Variants in HTR1F observed in about 807,000 individuals in gnomAD.
HTR1F encodes 5-hydroxytryptamine (serotonin) receptor 1F, G protein-coupled.
A neutral mutation model predicts 24.0 loss-of-function variants in HTR1F; 17 were observed. The ratio of observed to expected loss-of-function variants is 0.71; its 90% CI spans 0.48 to 1.06. The LOEUF is 1.06. Ranked by LOEUF, HTR1F falls within the 50% of genes least tolerant of loss-of-function variation. The pLI is 0.00. For synonymous variants in HTR1F, 186 were observed against 156.8 expected (o/e 1.19, Z -1.39); for missense variants, 391 against 427.8 (o/e 0.91, Z 0.76).
At chr3:87,939,182 T>A (rs1166131830) in intron 2 of HTR1F, among the ~76,000 whole-genome samples, 1 of 152,190 alleles carries the variant, frequency 6.6e-6, no homozygotes, top group East Asian at 1.9e-4. Context: ...CATTTATTGG[T>A]TTGTGTATTT....
chr3:87,990,378 C>G (rs1705793951), intron 2 of HTR1F, among the ~76,000 whole-genome samples: 1 of 152,144 alleles, frequency 6.6e-6, no homozygotes, highest in Admixed American at 6.5e-5. Context: ...GCCTGCCACA[C>G]TTTTAAACTT....
At chr3:87,937,201 C>T (rs1704446127) in intron 2 of HTR1F, among the ~76,000 whole-genome samples, 1 of 151,948 alleles carries the variant, frequency 6.6e-6, no homozygotes, top group Non-Finnish European at 1.5e-5. Context: ...AGCCAATATC[C>T]TTGGTAAACA....
chr3:87,836,043 T>C (rs1704676166), intron 2 of HTR1F, among the ~76,000 whole-genome samples: 1 of 152,202 alleles, frequency 6.6e-6, no homozygotes, highest in Non-Finnish European at 1.5e-5. Flanking sequence ...GATATTATTC[T>C]CCAGGATTCT....
chr3:87,806,638 TGAA>T (rs1704078819), intron 1 of HTR1F, among the ~76,000 whole-genome samples: 1 of 152,066 alleles, frequency 6.6e-6, no homozygotes, highest in African/African-American at 2.4e-5. Context: ...TGCTTTGCTG[TGAA>T]GAAGAGTTTT....
intron 2 of HTR1F, among the ~76,000 whole-genome samples, chr3:87,926,762 A>T (rs1241540986): frequency 6.6e-6 from 1 of 152,092 alleles, no homozygotes; most frequent in Non-Finnish European, 1.5e-5. Flanking sequence ...CATATTACTA[A>T]ATTTTATAAA....
rs997700601 is a variant in HTR1F, at chr3:87,907,200, T to TA, written c.-42-83508_-42-83507insA. ...TACCACATCTATGCCAACATTTATT[T>TA]TTTTTTTTGATTATTGGTCATTCTT... is the stretch of plus-strand genomic sequence containing the variant. On this transcript the variant is annotated intron_variant, in intron 2 of 2. Coordinates refer to ENST00000319595, the MANE Select transcript of HTR1F (RefSeq NM_001322209.2). Among the ~76,000 whole-genome samples the TA allele has an allele frequency of 1.3e-4, 20 of 151,642 alleles. No homozygotes were observed. In the East Asian group the frequency reaches 2.1e-3, roughly 16 times the overall value.
intron 2 of HTR1F, among the ~76,000 whole-genome samples, chr3:87,874,384 A>G (rs1705623884): frequency 6.6e-6 from 1 of 152,170 alleles, no homozygotes; most frequent in Non-Finnish European, 1.5e-5. Context: ...AAACAGTCCC[A>G]CTTACCATAG....
chr3:87,975,911 A>G (rs771396883), intron 2 of HTR1F, among the ~76,000 whole-genome samples: 6 of 152,218 alleles, frequency 3.9e-5, no homozygotes, highest in Non-Finnish European at 7.4e-5. Flanking sequence ...AAGATGACAA[A>G]TCAACTGCCC....
rs112164407 is a variant in HTR1F, at chr3:87,946,261, C to T, written c.-42-44447C>T. On this transcript the variant is annotated intron_variant, in intron 2 of 2. Coordinates refer to ENST00000319595, the MANE Select transcript of HTR1F (RefSeq NM_001322209.2). Reference sequence around the variant, plus strand: ...GGCGGCAAACGGCAGTGGTGGACTTCGAGCAAAAGCTCAGCTCGAACCATA... The same window carrying T: ...GGCGGCAAACGGCAGTGGTGGACTTTGAGCAAAAGCTCAGCTCGAACCATA... 3.7e-3 allele frequency among the ~76,000 whole-genome samples: 558 copies of T among 152,138 alleles called. 6 individuals are homozygous for T. The highest frequency in any genetic ancestry group is 0.013 in the African/African-American group (524 of 41,488).
intron 2 of HTR1F, among the ~76,000 whole-genome samples, chr3:87,833,823 T>G (rs1057465383): frequency 3.9e-5 from 6 of 152,148 alleles, no homozygotes; most frequent in Non-Finnish European, 5.9e-5. Context: ...GCCCTTTTTT[T>G]TTAAGTCCTT....
intron 2 of HTR1F, among the ~76,000 whole-genome samples, chr3:87,899,095 C>T (rs572941270): frequency 6.6e-6 from 1 of 152,246 alleles, no homozygotes; most frequent in Non-Finnish European, 1.5e-5. Flanking sequence ...TTCTATGGCC[C>T]TCTTTCAGCC....
chr3:87,870,754 G>A (rs1705535501), intron 2 of HTR1F, among the ~76,000 whole-genome samples: 2 of 152,054 alleles, frequency 1.3e-5, no homozygotes, highest in South Asian at 4.1e-4. Flanking sequence ...AGAAACCACA[G>A]TACCACAGAT....
intron 2 of HTR1F, among the ~76,000 whole-genome samples, chr3:87,875,740 C>T (rs1473020278): frequency 6.6e-5 from 10 of 151,542 alleles, no homozygotes; most frequent in South Asian, 6.3e-4. Context: ...CTGGCTAACA[C>T]GGTGAAACCC....
chr3:87,956,590 A>G (rs1704948647), intron 2 of HTR1F, among the ~76,000 whole-genome samples: 1 of 151,384 alleles, frequency 6.6e-6, no homozygotes, highest in Non-Finnish European at 1.5e-5. Flanking sequence ...GGGAATAATT[A>G]ACATTTTAAT....
At chr3:87,910,329 T>C (rs1703751350) in intron 2 of HTR1F, 1 of 151,958 alleles carries the variant, frequency 6.6e-6, no homozygotes, top group South Asian at 2.1e-4. Flanking sequence ...TTTTGTGGCA[T>C]CTAACCATCA....
chr3:87,863,358 A>G (rs1310003559), intron 2 of HTR1F, among the ~76,000 whole-genome samples: 1 of 152,046 alleles, frequency 6.6e-6, no homozygotes, highest in South Asian at 2.1e-4. Flanking sequence ...TTGTTTAATG[A>G]TTTTTCAAAC....
chr3:87,800,777 A>G (rs539305486), intron 1 of HTR1F, among the ~76,000 whole-genome samples: 129 of 152,308 alleles, frequency 8.5e-4, no homozygotes, highest in African/African-American at 3.0e-3. Flanking sequence ...GATTTTCTGG[A>G]AATCACCTCA....
intron 2 of HTR1F, among the ~76,000 whole-genome samples, chr3:87,948,059 G>GA (rs1704750559): frequency 2.0e-5 from 3 of 151,750 alleles, no homozygotes; most frequent in African/African-American, 7.3e-5. Flanking sequence ...TTATTCCATT[G>GA]AAAAAAATAC....
chr3:87,906,622 G>T (rs1484142805), intron 2 of HTR1F, among the ~76,000 whole-genome samples: 1 of 151,788 alleles, frequency 6.6e-6, no homozygotes. Context: ...TGATTTCTGA[G>T]ATTTTGGTGC....
Sources: allele counts gnomAD v4.1 joint callset (sites outside exome capture counted in the v4.1 genomes callset), GRCh38; gene constraint gnomAD v4.1.1; transcripts MANE v1.5; gene names NCBI Gene and HGNC (gene_info 2026-07-23, HGNC 2026-07-21).